Variants in BABAM2 observed in about 807,000 individuals in gnomAD.
The protein encoded by BABAM2 is BRISC and BRCA1-A complex member 2.
A neutral mutation model predicts 54.7 loss-of-function variants in BABAM2; 31 were observed. The observed-to-expected ratio is 0.57, with a 90% CI of 0.43 to 0.77. The LOEUF (loss-of-function observed/expected upper bound fraction) is 0.77, where lower values mean the gene tolerates loss of function less well. Among genes scored for constraint, BABAM2 ranks in the 30% least tolerant of loss-of-function variants. The pLI is 0.00. For missense variants in BABAM2, 364 were observed against 455.8 expected, an observed-to-expected ratio of 0.80 and a Z score of 1.83; for synonymous variants, 167 against 162.9, an observed-to-expected ratio of 1.03 and a Z score of -0.19.
intron 10 of BABAM2, among the ~76,000 whole-genome samples, chr2:28,246,230 C>G (rs1682904877): frequency 6.6e-6 from 1 of 152,202 alleles, no homozygotes; most frequent in Non-Finnish European, 1.5e-5. Flanking sequence ...GATGGCCCTA[C>G]TAATCTGAGC....
chr2:28,132,587 GC>G (rs887566662), intron 7 of BABAM2, among the ~76,000 whole-genome samples: 1 of 152,040 alleles, frequency 6.6e-6, no homozygotes, highest in African/African-American at 2.4e-5. Flanking sequence ...CTGTGCTTTT[GC>G]TAAAGCTGCT....
intron 7 of BABAM2, among the ~76,000 whole-genome samples, chr2:28,234,743 A>AT (rs1681743812): frequency 6.6e-6 from 1 of 152,220 alleles, no homozygotes; most frequent in East Asian, 1.9e-4. Context: ...ACTGTGGATT[A>AT]TTTTTTTCTT....
chr2:28,160,798 A>G (rs1673012875), intron 7 of BABAM2, among the ~76,000 whole-genome samples: 1 of 151,254 alleles, frequency 6.6e-6, no homozygotes, highest in African/African-American at 2.4e-5. Flanking sequence ...GTGTGGGCAA[A>G]TGGGCAAAGG....
At chr2:28,088,424 T>C (rs1430834191) in intron 6 of BABAM2, among the ~76,000 whole-genome samples, 1 of 152,236 alleles carries the variant, frequency 6.6e-6, no homozygotes, top group East Asian at 1.9e-4. Flanking sequence ...TAAAACTTGC[T>C]CTTAGGATCC....
At chr2:28,099,248 A>T (rs920020499) in intron 6 of BABAM2, among the ~76,000 whole-genome samples, 1 of 152,154 alleles carries the variant, frequency 6.6e-6, no homozygotes, top group Non-Finnish European at 1.5e-5. Context: ...GTATAATGCC[A>T]CCTTCCCTTG....
intron 11 of BABAM2, among the ~76,000 whole-genome samples, chr2:28,330,622 C>A (rs1231730791): frequency 6.6e-6 from 1 of 152,164 alleles, no homozygotes; most frequent in Non-Finnish European, 1.5e-5. Flanking sequence ...ATACAACTTA[C>A]AAGGTATGTG....
At chr2:28,298,566 C>A in intron 11 of BABAM2, 75 bp downstream of exon 11, 1 of 1,569,046 alleles carries the variant, frequency 6.4e-7, no homozygotes, top group Non-Finnish European at 8.7e-7. Context: ...CAAGCTACTG[C>A]TTGCAGGTTA....
intron 5 of BABAM2, among the ~76,000 whole-genome samples, chr2:28,037,459 C>G (rs1490368233): frequency 6.6e-6 from 1 of 151,974 alleles, no homozygotes; most frequent in Non-Finnish European, 1.5e-5. Context: ...CATCTGAACT[C>G]TATTATTGGA....
intron 6 of BABAM2, among the ~76,000 whole-genome samples, chr2:28,093,815 A>G (rs1666367688): frequency 6.6e-6 from 1 of 152,230 alleles, no homozygotes; most frequent in African/African-American, 2.4e-5. Flanking sequence ...AGGGAAACAG[A>G]TAAGAAATTA....
chr2:28,186,733 A>T (rs1441641322), intron 7 of BABAM2, among the ~76,000 whole-genome samples: 2 of 152,142 alleles, frequency 1.3e-5, no homozygotes, highest in Non-Finnish European at 2.9e-5. Flanking sequence ...TTGAAACAGT[A>T]GTGAAGAAGA....
chr2:28,150,298 A>G (rs1358762597), intron 7 of BABAM2, among the ~76,000 whole-genome samples: 2 of 152,166 alleles, frequency 1.3e-5, no homozygotes, highest in African/African-American at 4.8e-5. Context: ...TCCAAGTCTC[A>G]TGTTCTATCT....
chr2:28,233,207 G>C (rs1331519554), intron 7 of BABAM2: 3 of 471,434 alleles, frequency 6.4e-6, no homozygotes, highest in Non-Finnish European at 1.3e-5. Flanking sequence ...ACCACTCTGG[G>C]GATCAGAAGT....
chr2:28,122,124 G>A (rs952497626), intron 6 of BABAM2, among the ~76,000 whole-genome samples: 4 of 152,142 alleles, frequency 2.6e-5, no homozygotes, highest in Non-Finnish European at 4.4e-5. Flanking sequence ...GCTGAGGCAG[G>A]AGAATGGCAT....
chr2:28,129,279 T>G lies in BABAM2; in HGVS notation c.579T>G (p.Asn193Lys), dbSNP rs1314788880. The G allele has an allele frequency of 1.2e-6, 2 of 1,613,740 alleles. No individual in the cohort carries two copies. The highest frequency in any genetic ancestry group is 2.2e-5 in the South Asian group (2 of 91,080). Residue 193 changes from asparagine to lysine, a missense_variant, in exon 7 of 12, where the codon AAT (asparagine) becomes AAG (lysine). Physicochemically the swap from Asn to Lys is moderately conservative, Grantham distance 94 (BLOSUM62 0). Transcript: ENST00000379624. ...TTCACTTCTTGTTTAAGGATGTAAA[T>G]GAAGACCCTGGAGAAGATGTGGCCC... ...NIPTYLLKDV[N>K]EDPGEDVALL...
At chr2:28,123,295 C>T (rs545858413) in intron 6 of BABAM2, among the ~76,000 whole-genome samples, 4 of 152,172 alleles carry the variant, frequency 2.6e-5, no homozygotes, top group Non-Finnish European at 5.9e-5. Flanking sequence ...TGTTACATCT[C>T]ACCAGAATAT....
chr2:28,154,155 T>C (rs751994902), intron 7 of BABAM2, among the ~76,000 whole-genome samples: 2 of 152,222 alleles, frequency 1.3e-5, no homozygotes, highest in Non-Finnish European at 2.9e-5. Context: ...ATAGCTCACC[T>C]AAGCTCTGGA....
At chr2:28,036,532 A>C (rs551110418) in intron 5 of BABAM2, among the ~76,000 whole-genome samples, 10 of 152,202 alleles carry the variant, frequency 6.6e-5, no homozygotes, top group Non-Finnish European at 1.3e-4. Flanking sequence ...CTGTATGAGT[A>C]ATTGGTCTGT....
chr2:27,943,988 T>G (rs969113229), intron 3 of BABAM2, among the ~76,000 whole-genome samples: 1 of 152,104 alleles, frequency 6.6e-6, no homozygotes, highest in Non-Finnish European at 1.5e-5. Context: ...AGAAATATAT[T>G]AGGAATAGCA....
intron 5 of BABAM2, among the ~76,000 whole-genome samples, chr2:28,034,917 G>A (rs956724239): frequency 6.6e-6 from 1 of 151,994 alleles, no homozygotes; most frequent in African/African-American, 2.4e-5. Context: ...CCTTAATGTC[G>A]GGATTAACGT....
Sources: allele counts gnomAD v4.1 joint callset (sites outside exome capture counted in the v4.1 genomes callset), GRCh38; gene constraint gnomAD v4.1.1; transcripts MANE v1.5; gene names NCBI Gene and HGNC (gene_info 2026-07-23, HGNC 2026-07-21).